The following MAP2 variants were observed in gnomAD, a reference collection of about 807,000 sequenced individuals.
MAP2 encodes microtubule associated protein 2.
MAP2 carries 14 observed loss-of-function variants against 137.6 expected under a neutral mutation model. The observed-to-expected ratio is 0.10, with a 90% CI of 0.07 to 0.16. MAP2 has a LOEUF of 0.16. Ranked by LOEUF, MAP2 falls within the 10% of genes least tolerant of loss-of-function variation. The pLI, the probability that MAP2 is intolerant of heterozygous loss-of-function variation, is 1.00. For synonymous variants in MAP2, 786 were observed against 782.3 expected, an observed-to-expected ratio of 1.00 and a Z score of -0.08; for missense variants, 2,088 against 2,191.5, an observed-to-expected ratio of 0.95 and a Z score of 0.94.
At chr2:209,552,828 TC>T (rs998097696) in intron 2 of MAP2, among the ~76,000 whole-genome samples, 4 of 151,082 alleles carry the variant, frequency 2.6e-5, no homozygotes, top group African/African-American at 7.3e-5. Context: ...GCCACTGCAC[TC>T]CAGCTTGGGC....
chr2:209,470,058 A>G (rs575842811), intron 1 of MAP2, among the ~76,000 whole-genome samples: 7 of 152,214 alleles, frequency 4.6e-5, no homozygotes, highest in Admixed American at 6.5e-5. Context: ...CAGTTTTATT[A>G]TGGTTTGCTG....
chr2:209,485,628 G>A (rs571506720), intron 1 of MAP2, among the ~76,000 whole-genome samples: 1 of 152,252 alleles, frequency 6.6e-6, no homozygotes, highest in South Asian at 2.1e-4. Flanking sequence ...GCCAACAGAG[G>A]TATGTTTGCT....
intron 4 of MAP2, among the ~76,000 whole-genome samples, chr2:209,631,536 C>T (rs1436455329): frequency 6.6e-6 from 1 of 151,364 alleles, no homozygotes; most frequent in Admixed American, 6.6e-5. Flanking sequence ...TATGTTTGGC[C>T]GGTTCCCCTT....
chr2:209,512,025 C>G (rs1028500268), intron 2 of MAP2, among the ~76,000 whole-genome samples: 10 of 152,074 alleles, frequency 6.6e-5, no homozygotes, highest in African/African-American at 1.4e-4. Context: ...CTGGCTTAAC[C>G]TCTGATGCCC....
At chr2:209,703,876 A>G in intron 11 of MAP2, 1 of 399,660 alleles carries the variant, frequency 2.5e-6, no homozygotes, top group South Asian at 1.9e-5. Context: ...GCAAGTAATA[A>G]GTAATAAACA....
chr2:209,558,881 T>C (rs1243868704), intron 2 of MAP2, among the ~76,000 whole-genome samples: 1 of 152,068 alleles, frequency 6.6e-6, no homozygotes, highest in Non-Finnish European at 1.5e-5. Flanking sequence ...GTTCAGAGTA[T>C]ATATTTTTTG....
chr2:209,435,909 G>A (rs1407119234), intron 1 of MAP2, among the ~76,000 whole-genome samples: 9 of 105,446 alleles, frequency 8.5e-5, no homozygotes, highest in Admixed American at 6.8e-4. Flanking sequence ...GTTATGTCAC[G>A]TGCATGCCAA....
At chr2:209,634,748 A>C (rs1170033466) in intron 4 of MAP2, among the ~76,000 whole-genome samples, 1 of 152,214 alleles carries the variant, frequency 6.6e-6, no homozygotes, top group East Asian at 1.9e-4. Flanking sequence ...AAGTAGCTCA[A>C]GCTGTGGCAA....
chr2:209,717,654 C>T (rs2068260266), intron 13 of MAP2, among the ~76,000 whole-genome samples: 1 of 152,034 alleles, frequency 6.6e-6, no homozygotes, highest in African/African-American at 2.4e-5. Context: ...AACATGTAAG[C>T]ATATTTATAA....
chr2:209,561,868 A>G (rs966900537), intron 2 of MAP2, among the ~76,000 whole-genome samples: 3 of 152,232 alleles, frequency 2.0e-5, no homozygotes, highest in Admixed American at 6.5e-5. Flanking sequence ...TGTAAGGCAC[A>G]TTGATGAAGC....
At chr2:209,551,891 T>C (rs2069254686) in intron 2 of MAP2, among the ~76,000 whole-genome samples, 2 of 152,218 alleles carry the variant, frequency 1.3e-5, no homozygotes, top group South Asian at 4.1e-4. Context: ...GTTATTTACC[T>C]TCCCTTCAAC....
chr2:209,532,678 C>G (rs933078430), intron 2 of MAP2, among the ~76,000 whole-genome samples: 6 of 152,182 alleles, frequency 3.9e-5, no homozygotes, highest in Admixed American at 3.9e-4. Context: ...TGTTGTCCCA[C>G]TAAGTCTCTC....
At chr2:209,595,936 C>T (rs2081169631) in intron 3 of MAP2, among the ~76,000 whole-genome samples, 3 of 152,064 alleles carry the variant, frequency 2.0e-5, no homozygotes. Context: ...CAGGGAACAT[C>T]ACACCTCAGG....
At chr2:209,428,989 T>C (rs1693418020) in intron 1 of MAP2, among the ~76,000 whole-genome samples, 1 of 151,874 alleles carries the variant, frequency 6.6e-6, no homozygotes, top group Admixed American at 6.6e-5. Flanking sequence ...AGTCTCGCTC[T>C]TTCGCCCAGG....
rs2153715357 is a variant in MAP2 at position 209,692,762 on chromosome 2, G to A, written c.592G>A (p.Val198Ile). 1 of 1,614,040 alleles carries A rather than the reference G, an allele frequency of 6.2e-7. No individual in the cohort carries two copies. Among genetic ancestry groups the A allele is most frequent in the East Asian group, 2.2e-5 (1 of 44,874 alleles). ...PGEDLKHAAL[V>I]SQPETTKTYP... ...TGAAGACCTTAAACATGCTGCCTTA[G>A]TTTCTCAGCCAGAGACAACTAAAAC... is the stretch of plus-strand genomic sequence containing the variant. Residue 198 changes from valine to isoleucine, a missense_variant, in exon 8 of 16, where the codon GTT becomes ATT. Physicochemically the swap from Val to Ile is conservative, Grantham distance 29 (BLOSUM62 3). This residue lies in a region of MAP2 where 859 missense variants were observed against 794.5 expected (regional missense o/e 1.08). Transcript: ENST00000682079.
rs555507085 is a variant in MAP2 at position 209,455,771 on chromosome 2, G to A, written c.-222+31495G>A. ...GAGGAATGGATGTCTTGCTTGTGGTGATTTAGAATAACTGGATTCTCATTC... is the reference window on the plus strand; with the variant it reads ...GAGGAATGGATGTCTTGCTTGTGGTAATTTAGAATAACTGGATTCTCATTC... On this transcript the variant is annotated intron_variant, in intron 1 of 15. Coordinates refer to ENST00000682079, the MANE Select transcript of MAP2 (RefSeq NM_001375505.1). 2.4e-3 allele frequency among the ~76,000 whole-genome samples: 358 copies of A among 152,296 alleles called. 1 individual carries two copies. The highest frequency in any genetic ancestry group is 4.2e-3 in the Non-Finnish European group (289 of 68,020).
At chr2:209,583,671 A>G (rs897494084) in intron 3 of MAP2, among the ~76,000 whole-genome samples, 1 of 152,036 alleles carries the variant, frequency 6.6e-6, no homozygotes, top group African/African-American at 2.4e-5. Flanking sequence ...GCAAAGGAGT[A>G]TTTACAGGAG....
At chr2:209,492,450 C>G (rs2059234769) in intron 1 of MAP2, among the ~76,000 whole-genome samples, 4 of 152,016 alleles carry the variant, frequency 2.6e-5, no homozygotes, top group Non-Finnish European at 1.5e-5. Context: ...AGCAGTCAGG[C>G]AAGATAAAGA....
At chr2:209,475,194 G>A (rs1466134962) in intron 1 of MAP2, among the ~76,000 whole-genome samples, 1 of 152,024 alleles carries the variant, frequency 6.6e-6, no homozygotes, top group Admixed American at 6.6e-5. Flanking sequence ...CCTACTGTGT[G>A]TTTATACACG....
Sources: allele counts gnomAD v4.1 joint callset (sites outside exome capture counted in the v4.1 genomes callset), GRCh38; gene constraint gnomAD v4.1.1; regional missense constraint gnomAD v4.1.1; transcripts MANE v1.5; gene names NCBI Gene and HGNC (gene_info 2026-07-23, HGNC 2026-07-21).